Variants in ITPR3 observed in about 807,000 individuals in gnomAD.
ITPR3 encodes the protein inositol 1,4,5-trisphosphate receptor type 3.
A neutral mutation model predicts 293.2 loss-of-function variants in ITPR3; 173 were observed. The observed-to-expected ratio is 0.59, with a 90% CI of 0.52 to 0.67. The LOEUF is 0.67. Among genes scored for constraint, ITPR3 ranks in the 30% least tolerant of loss-of-function variants. The pLI is 0.00. For synonymous variants in ITPR3, 1,295 were observed against 1,444.4 expected, an observed-to-expected ratio of 0.90 and a Z score of 2.35; for missense variants, 2,796 against 3,592.1, an observed-to-expected ratio of 0.78 and a Z score of 5.66.
intron 39 of ITPR3, 86 bp from the exon 40 acceptor site, chr6:33,685,273 C>T: frequency 7.5e-7 from 1 of 1,340,142 alleles, no homozygotes; most frequent in East Asian, 2.3e-5. Flanking sequence ...CCCAGCGGCC[C>T]CAGCAGTGTG....
At chr6:33,648,066 CT>C (rs35776559) in intron 2 of ITPR3, among the ~76,000 whole-genome samples, 345 of 130,390 alleles carry the variant, frequency 2.6e-3, no homozygotes, top group African/African-American at 6.4e-3. Flanking sequence ...ATTTCTTTTT[CT>C]TTTTTTTTTT....
rs1764284724 is a variant in ITPR3 at position 33,655,524 on chromosome 6, C to A, written c.161-242C>A. Among the ~76,000 whole-genome samples, 2 of 152,152 alleles carry A rather than the reference C, an allele frequency of 1.3e-5. No homozygotes were observed. The highest frequency in any genetic ancestry group is 6.5e-5 in the Admixed American group (1 of 15,278). On this transcript the variant is annotated intron_variant, in intron 2 of 57. Transcript: ENST00000605930. The surrounding 1 kb of genome is among the most constrained non-coding windows in gnomAD (Gnocchi z 4.9). The stretch of plus-strand genomic sequence containing the variant: ...TCTCCTAGGGGAAGAGGGCACGTGT[C>A]CACCCCACCAAGTGAGATGCACTGC...
intron 2 of ITPR3, among the ~76,000 whole-genome samples, chr6:33,643,572 G>A (rs1016788692): frequency 1.3e-5 from 2 of 152,172 alleles, no homozygotes; most frequent in East Asian, 1.9e-4. Flanking sequence ...CGTGAGTCCC[G>A]AGCTGCTGAC....
Position 33,687,091 on chromosome 6 carries a change from G to A in ITPR3, c.6062G>A (p.Arg2021Gln), listed in dbSNP as rs773891536. 3.1e-6 allele frequency: 5 copies of A among 1,613,878 alleles called. No homozygotes were observed. Among genetic ancestry groups the A allele is most frequent in the South Asian group, 2.2e-5 (2 of 91,080 alleles). ...GCTGAGCGAATCCTCATCAGCCTGC[G>A]GCCCCAGGAGCTGGTGAGGCTGGGC... ...ENAERILISL[R>Q]PQELVDVIKK... The change falls in exon 44 of 58, where the codon CGG becomes CAG. Residue 2021 changes from arginine to glutamine, a missense_variant. By Grantham distance (43) the Arg-to-Gln change is conservative. Coordinates refer to ENST00000605930, the MANE Select transcript of ITPR3 (RefSeq NM_002224.4). This position sits in a 1 kb window ranked among gnomAD's most constrained non-coding sequence, Gnocchi z 5.3.
intron 2 of ITPR3, among the ~76,000 whole-genome samples, chr6:33,642,584 G>A (rs1763975778): frequency 6.6e-6 from 1 of 152,050 alleles, no homozygotes. Context: ...ACAGTTTGGG[G>A]CCAATTTTTG....
At chr6:33,637,104 A>G (rs1412242186) in intron 1 of ITPR3, among the ~76,000 whole-genome samples, 4 of 152,156 alleles carry the variant, frequency 2.6e-5, no homozygotes, top group African/African-American at 4.8e-5. Flanking sequence ...GTTCTCCAGT[A>G]CTCTGGGGAC....
chr6:33,658,039 T>A lies in ITPR3; in HGVS notation c.369+21T>A, dbSNP rs1375809831. On this transcript the variant is annotated intron_variant, in intron 4 of 57. Transcript: ENST00000605930. This position sits in a 1 kb window ranked among gnomAD's most constrained non-coding sequence, Gnocchi z 6.1. ...TCCAGGTGAGGCTGGCCTGCCTCTCTCCCGCCTGCCCCTCTCCCTGCCTAA... is the reference window on the plus strand; with the variant it reads ...TCCAGGTGAGGCTGGCCTGCCTCTCACCCGCCTGCCCCTCTCCCTGCCTAA... 6.3e-7 allele frequency: 1 copy of A among 1,598,150 alleles called. No individual in the cohort carries two copies. Among genetic ancestry groups the A allele is most frequent in the South Asian group, 1.1e-5 (1 of 90,044 alleles).
chr6:33,621,894 T>G lies in ITPR3; in HGVS notation c.89+203T>G, dbSNP rs1216820683. ...GTAGGACTCGGGCTCCCTACTGGAGTTGGCAGGAGGAGCCTCCCTCGGCGG... is the reference window on the plus strand; with the variant it reads ...GTAGGACTCGGGCTCCCTACTGGAGGTGGCAGGAGGAGCCTCCCTCGGCGG... On this transcript the variant is annotated intron_variant, in intron 1 of 57. Transcript: ENST00000605930. This position sits in a 1 kb window ranked among gnomAD's most constrained non-coding sequence, Gnocchi z 7.7. Among the ~76,000 whole-genome samples the G allele has an allele frequency of 6.6e-6, 1 of 152,060 alleles. No homozygotes were observed. Among genetic ancestry groups the G allele is most frequent in the East Asian group, 1.9e-4 (1 of 5,180 alleles).
At chr6:33,653,278 CTT>C (rs56048235) in intron 2 of ITPR3, among the ~76,000 whole-genome samples, 32 of 132,040 alleles carry the variant, frequency 2.4e-4, no homozygotes, top group South Asian at 4.9e-4. Flanking sequence ...TTTTTATTAA[CTT>C]TTTTTTTTTT....
At chr6:33,660,141 G>A (rs183041876) in intron 7 of ITPR3, among the ~76,000 whole-genome samples, 29 of 152,282 alleles carry the variant, frequency 1.9e-4, no homozygotes, top group Non-Finnish European at 1.6e-4. Flanking sequence ...AGCAGATGTG[G>A]GCGAGAGAGG....
intron 50 of ITPR3, 90 bp downstream of exon 50, chr6:33,689,500 C>G (rs576655375): frequency 7.0e-7 from 1 of 1,428,316 alleles, no homozygotes; most frequent in African/African-American, 1.4e-5. Flanking sequence ...CCAGGAGCCA[C>G]TGCTCTGTCC....
intron 2 of ITPR3, among the ~76,000 whole-genome samples, chr6:33,642,696 C>T (rs1344295493): frequency 6.6e-6 from 1 of 152,200 alleles, no homozygotes; most frequent in Non-Finnish European, 1.5e-5. Flanking sequence ...GGCCCCTCAT[C>T]TCATCTTCTC....
chr6:33,668,671 C>T (rs367544617), intron 17 of ITPR3, 37 bp downstream of exon 17: 13 of 1,613,322 alleles, frequency 8.1e-6, no homozygotes, highest in Non-Finnish European at 1.1e-5. Flanking sequence ...TTGGGCTCCA[C>T]GCTGCTGACC....
intron 1 of ITPR3, among the ~76,000 whole-genome samples, chr6:33,635,577 C>G (rs974586588): frequency 1.3e-5 from 2 of 152,158 alleles, no homozygotes; most frequent in African/African-American, 4.8e-5. Flanking sequence ...AACTAGCTAG[C>G]CAACCAGGTG....
Position 33,655,161 on chromosome 6 carries a change from TC to T in ITPR3, c.161-603del, listed in dbSNP as rs1764275663. On this transcript the variant is annotated intron_variant, in intron 2 of 57. Transcript: ENST00000605930. The surrounding 1 kb of genome is among the most constrained non-coding windows in gnomAD (Gnocchi z 4.9). ...AGGAGAACACAGTGAGGGAGCCTCT[TC>T]CTCTTTGTATAGGGCAGGAGAAGAA... Among the ~76,000 whole-genome samples, 1 of 152,162 alleles carries T rather than the reference TC, an allele frequency of 6.6e-6. No homozygotes were observed.
intron 1 of ITPR3, among the ~76,000 whole-genome samples, chr6:33,626,656 G>C (rs1039886823): frequency 3.9e-5 from 6 of 152,196 alleles, no homozygotes; most frequent in African/African-American, 1.4e-4. Context: ...CAGAATCAGT[G>C]GTACCCAAGG....
chr6:33,691,724 G>A lies in ITPR3; in HGVS notation c.7330+5G>A, dbSNP rs1765397041. 1 of 1,614,048 alleles carries A rather than the reference G, an allele frequency of 6.2e-7. No homozygotes were observed. Among genetic ancestry groups the A allele is most frequent in the Non-Finnish European group, 8.5e-7 (1 of 1,179,964 alleles). On this transcript the variant is annotated splice_donor_5th_base_variant and intron_variant, in intron 53 of 57. Coordinates refer to ENST00000605930, the MANE Select transcript of ITPR3 (RefSeq NM_002224.4). The surrounding 1 kb of genome is among the most constrained non-coding windows in gnomAD (Gnocchi z 4.9). ...CGGTGCCTGAGGTCCTGGAAGGTGA[G>A]GGTGGTGTGTGTGCAGGAGTCTGTG...
chr6:33,678,859 G>A lies in ITPR3; in HGVS notation c.3972+20G>A, dbSNP rs576502516. On this transcript the variant is annotated intron_variant, in intron 30 of 57. Transcript: ENST00000605930. ...ACTGAGGTGAGGGCGGGGCTGAGGG[G>A]TGCTCAGGCATCTTGGGGTGGGGGA... 29 of 1,603,972 alleles carry A rather than the reference G, an allele frequency of 1.8e-5. No individual in the cohort carries two copies. Among genetic ancestry groups the A allele is most frequent in the Non-Finnish European group, 2.5e-5 (29 of 1,174,934 alleles).
chr6:33,688,008 C>A, intron 46 of ITPR3, 49 bp from the exon 47 acceptor site: 2 of 1,472,092 alleles, frequency 1.4e-6, no homozygotes, highest in Non-Finnish European at 1.9e-6. Flanking sequence ...TGAGTGCCAG[C>A]CTGGATGTGG....
Sources: allele counts gnomAD v4.1 joint callset (sites outside exome capture counted in the v4.1 genomes callset), GRCh38; gene constraint gnomAD v4.1.1; non-coding constraint Gnocchi (gnomAD v3.1); transcripts MANE v1.5; gene names NCBI Gene and HGNC (gene_info 2026-07-23, HGNC 2026-07-21).